TMEM108: variants seen among roughly 807,000 people sequenced by gnomAD.
The protein encoded by TMEM108 is transmembrane protein 108, also known as cancer/testis antigen 124.
In TMEM108, 12 loss-of-function variants were observed where a neutral mutation model predicts 35.1. That is an observed-to-expected ratio of 0.34 (90% CI 0.22 to 0.55). TMEM108 has a LOEUF of 0.55. TMEM108 is among the 20% of genes least tolerant of loss of function. The pLI is 0.89. For missense variants in TMEM108, 680 were observed against 753.3 expected (o/e 0.90, Z 1.14); for synonymous variants, 287 against 308.6 (o/e 0.93, Z 0.73).
At chr3:133,250,635 C>G (rs1198347163) in intron 3 of TMEM108, among the ~76,000 whole-genome samples, 5 of 152,160 alleles carry the variant, frequency 3.3e-5, no homozygotes, top group Non-Finnish European at 7.3e-5. Context: ...TCCACTTGTA[C>G]AGTTAGCAGC....
intron 3 of TMEM108, among the ~76,000 whole-genome samples, chr3:133,281,619 AC>A (rs1294923793): frequency 6.6e-6 from 1 of 152,252 alleles, no homozygotes; most frequent in African/African-American, 2.4e-5. Flanking sequence ...CAGCTGGCAC[AC>A]TGGGTGGTGA....
intron 3 of TMEM108, among the ~76,000 whole-genome samples, chr3:133,357,310 C>T (rs2072202353): frequency 2.0e-5 from 3 of 152,098 alleles, no homozygotes; most frequent in African/African-American, 7.2e-5. Flanking sequence ...GGTGAAAGAA[C>T]ACTGTTACAC....
rs369999025 is a variant in TMEM108 at position 133,306,024 on chromosome 3, T to C, written c.41-73728T>C. On this transcript the variant is annotated intron_variant, in intron 3 of 5. Coordinates refer to ENST00000321871, the MANE Select transcript of TMEM108 (RefSeq NM_023943.4). ...AAACCTATGTTATGCAGATATTTTC[T>C]CCTGTGGCTTATATTTTCTGTCTGT... is the stretch of plus-strand genomic sequence containing the variant. Among the ~76,000 whole-genome samples the C allele has an allele frequency of 2.0e-5, 3 of 152,298 alleles. No homozygotes were observed. The South Asian group carries it at 6.2e-4, about 32-fold the overall frequency.
chr3:133,181,052 G>T (rs1160503143), intron 2 of TMEM108, among the ~76,000 whole-genome samples: 1 of 116,282 alleles, frequency 8.6e-6, no homozygotes, highest in Admixed American at 9.0e-5. Context: ...CACTCCCAAA[G>T]CGCTTGATTT....
chr3:133,065,490 C>A (rs1222511809), intron 2 of TMEM108, among the ~76,000 whole-genome samples: 1 of 150,934 alleles, frequency 6.6e-6, no homozygotes, highest in East Asian at 1.9e-4. Context: ...TAAAAGAAAC[C>A]CAATTTTTTT....
At chr3:133,120,353 C>T (rs1944337532) in intron 2 of TMEM108, among the ~76,000 whole-genome samples, 1 of 152,216 alleles carries the variant, frequency 6.6e-6, no homozygotes, top group Admixed American at 6.5e-5. Flanking sequence ...TACTATGGAT[C>T]AGCCAGACCT....
chr3:133,176,686 A>G (rs1945235922), intron 2 of TMEM108, among the ~76,000 whole-genome samples: 1 of 152,228 alleles, frequency 6.6e-6, no homozygotes, highest in Non-Finnish European at 1.5e-5. Context: ...AGGGAAATGT[A>G]TAGCACTAAA....
chr3:133,062,555 T>C (rs1943548711), intron 2 of TMEM108, among the ~76,000 whole-genome samples: 1 of 152,258 alleles, frequency 6.6e-6, no homozygotes, highest in Admixed American at 6.5e-5. Context: ...GGAAACATTC[T>C]AACCCAGGAC....
intron 3 of TMEM108, among the ~76,000 whole-genome samples, chr3:133,284,634 T>A (rs534326755): frequency 6.6e-6 from 1 of 152,342 alleles, no homozygotes; most frequent in Non-Finnish European, 1.5e-5. Context: ...GACTAAGAAC[T>A]GTTTGGTGAT....
At chr3:133,121,374 G>A (rs933702437) in intron 2 of TMEM108, among the ~76,000 whole-genome samples, 1 of 152,158 alleles carries the variant, frequency 6.6e-6, no homozygotes, top group Non-Finnish European at 1.5e-5. Context: ...CTCCTGTGTT[G>A]AATCAATATC....
intron 2 of TMEM108, among the ~76,000 whole-genome samples, chr3:133,142,831 T>C (rs1408352247): frequency 6.6e-6 from 1 of 152,214 alleles, no homozygotes; most frequent in Non-Finnish European, 1.5e-5. Flanking sequence ...CTAAATGCTT[T>C]ACATGTCTCA....
chr3:133,388,102 C>T, intron 4 of TMEM108: 1 of 985,512 alleles, frequency 1.0e-6, no homozygotes, highest in Non-Finnish European at 1.2e-6. Flanking sequence ...GCTCCCCTCC[C>T]TCTAGCTCTA....
intron 2 of TMEM108, among the ~76,000 whole-genome samples, chr3:133,080,912 T>C (rs1261711182): frequency 1.3e-5 from 2 of 152,208 alleles, no homozygotes; most frequent in African/African-American, 2.4e-5. Flanking sequence ...ACTCATCCTC[T>C]TCCCCTTTAG....
intron 2 of TMEM108, among the ~76,000 whole-genome samples, chr3:133,215,454 T>C (rs1233796720): frequency 6.6e-6 from 1 of 152,024 alleles, no homozygotes; most frequent in African/African-American, 2.4e-5. Flanking sequence ...AGCATCACCT[T>C]GTTCATCTTA....
At chr3:133,243,575 G>GC (rs1946342469) in intron 3 of TMEM108, among the ~76,000 whole-genome samples, 5 of 151,896 alleles carry the variant, frequency 3.3e-5, no homozygotes, top group African/African-American at 4.8e-5. Context: ...GGCTGGAGTA[G>GC]AGTGGCGCGA....
chr3:133,355,472 T>C (rs1258767634), intron 3 of TMEM108, among the ~76,000 whole-genome samples: 1 of 152,208 alleles, frequency 6.6e-6, no homozygotes, highest in Admixed American at 6.5e-5. Flanking sequence ...GCTATGTGTA[T>C]TTAACTGCTG....
chr3:133,330,958 T>C (rs2071386648), intron 3 of TMEM108, among the ~76,000 whole-genome samples: 1 of 152,156 alleles, frequency 6.6e-6, no homozygotes, highest in Non-Finnish European at 1.5e-5. Context: ...TAGTTATAAT[T>C]ATCTGATGGA....
chr3:133,216,049 C>A (rs561701942), intron 2 of TMEM108, among the ~76,000 whole-genome samples: 10 of 152,090 alleles, frequency 6.6e-5, no homozygotes, highest in African/African-American at 2.4e-4. Context: ...CCAGCAGTTG[C>A]CCCCACACCA....
chr3:133,290,454 C>T (rs1000076805), intron 3 of TMEM108, among the ~76,000 whole-genome samples: 1 of 152,008 alleles, frequency 6.6e-6, no homozygotes, highest in African/African-American at 2.4e-5. Flanking sequence ...AACCCCAGCT[C>T]TACTAAAAAT....
Sources: allele counts gnomAD v4.1 joint callset (sites outside exome capture counted in the v4.1 genomes callset), GRCh38; gene constraint gnomAD v4.1.1; transcripts MANE v1.5; gene names NCBI Gene and HGNC (gene_info 2026-07-23, HGNC 2026-07-21).